Variants in OSBPL9 observed in about 807,000 individuals in gnomAD.
OSBPL9 encodes oxysterol-binding protein-related protein 9.
OSBPL9 carries 40 observed loss-of-function variants against 106.6 expected under a neutral mutation model. That is an observed-to-expected ratio of 0.38 (90% confidence interval 0.29 to 0.49). The LOEUF (loss-of-function observed/expected upper bound fraction) is 0.49, where lower values mean the gene tolerates loss of function less well. Ranked by LOEUF, OSBPL9 falls within the 20% of genes least tolerant of loss-of-function variation. The pLI, the probability that OSBPL9 is intolerant of heterozygous loss-of-function variation, is 0.97. For synonymous variants in OSBPL9, 269 were observed against 295.4 expected (o/e 0.91, Z 0.92); for missense variants, 609 against 887.2 (o/e 0.69, Z 3.98).
At chr1:51,635,639 A>T (rs1049761435) in intron 1 of OSBPL9, among the ~76,000 whole-genome samples, 4 of 152,202 alleles carry the variant, frequency 2.6e-5, no homozygotes, top group Non-Finnish European at 2.9e-5. Flanking sequence ...ATTTAACTTT[A>T]TAAGGGATGC....
At chr1:51,595,170 A>G (rs550040222) in intron 1 of OSBPL9, among the ~76,000 whole-genome samples, 1 of 152,228 alleles carries the variant, frequency 6.6e-6, no homozygotes, top group East Asian at 1.9e-4. Context: ...GCGCCGGAGG[A>G]CTGAGGAGCT....
At chr1:51,765,660 C>A (rs528384336) in intron 11 of OSBPL9, 162 bp from the exon 12 acceptor site, 2 of 539,982 alleles carry the variant, frequency 3.7e-6, no homozygotes, top group Admixed American at 7.8e-5. Context: ...TTGCCATTTT[C>A]TGTGTGGAGT....
chr1:51,691,514 C>A (rs1283742732), intron 3 of OSBPL9, among the ~76,000 whole-genome samples: 1 of 151,744 alleles, frequency 6.6e-6, no homozygotes, highest in Admixed American at 6.6e-5. Context: ...TCTCGAACGC[C>A]TGACCTTGTG....
chr1:51,771,964 A>G, intron 12 of OSBPL9, 106 bp from the exon 13 acceptor site: 2 of 733,536 alleles, frequency 2.7e-6, no homozygotes, highest in South Asian at 1.9e-5. Flanking sequence ...AGAGAATTCT[A>G]AAGCATATAT....
At chr1:51,603,806 G>A (rs1213663665) in intron 2 of OSBPL9, among the ~76,000 whole-genome samples, 1 of 152,096 alleles carries the variant, frequency 6.6e-6, no homozygotes, top group South Asian at 2.1e-4. Context: ...AATTATTTAG[G>A]ATATGATATC....
rs71063046 is a variant in OSBPL9 at position 51,597,423 on chromosome 1, A to ATG, written c.-422-665_-422-664dup. ...AATATATGTGTGTATATATATATAT[A>ATG]TGTGTGTGTGTGTGTGTGTGTGTGT... is the stretch of plus-strand genomic sequence containing the variant. On this transcript the variant is annotated intron_variant, in intron 1 of 25. Transcript: ENST00000371714. 3.2e-3 allele frequency among the ~76,000 whole-genome samples: 431 copies of ATG among 135,826 alleles called. 6 individuals carry two copies. The highest frequency in any genetic ancestry group is 9.6e-3 in the African/African-American group (328 of 34,160). 89.1% of individuals were successfully genotyped at this position (135,826 alleles called of 152,430 possible).
rs1571821945 is a variant in OSBPL9 at position 51,788,371 on chromosome 1, C to CTAT, written c.*588_*590dup. Reference sequence around the variant, plus strand: ...CAATAACTTTTATTTTGGAATTGAACTATTATTAAATTGTATCTAATCCTG... The same window carrying CTAT: ...CAATAACTTTTATTTTGGAATTGAACTATTATTATTAAATTGTATCTAATCCTG... On this transcript the variant is annotated 3_prime_UTR_variant, in exon 24 of 24. Coordinates refer to ENST00000428468, the MANE Select transcript of OSBPL9 (RefSeq NM_024586.6). 1 of 152,688 alleles carries CTAT rather than the reference C, an allele frequency of 6.5e-6. No individual in the cohort carries two copies. The highest frequency in any genetic ancestry group is 1.9e-4 in the East Asian group (1 of 5,184). 9.5% of individuals were successfully genotyped at this position (152,688 alleles called of 1,614,324 possible).
At chr1:51,687,432 C>T (rs1411829374) in intron 3 of OSBPL9, among the ~76,000 whole-genome samples, 2 of 152,152 alleles carry the variant, frequency 1.3e-5, no homozygotes, top group Non-Finnish European at 2.9e-5. Context: ...TACAGTACAA[C>T]ATAAGTGCCA....
At chr1:51,569,271 T>C in the OSBPL9 span, among the ~76,000 whole-genome samples, 2 of 152,184 alleles carry the variant, frequency 1.3e-5, no homozygotes, top group African/African-American at 4.8e-5. Flanking sequence ...GCTGATGACC[T>C]CCTTCTCCTC....
intron 2 of OSBPL9, among the ~76,000 whole-genome samples, chr1:51,668,281 T>C (rs1472338014): frequency 6.6e-6 from 1 of 152,210 alleles, no homozygotes; most frequent in Admixed American, 6.5e-5. Context: ...GTTTCCTGTC[T>C]CTTATCTTAA....
chr1:51,748,689 TA>T (rs933859199), intron 7 of OSBPL9, among the ~76,000 whole-genome samples: 3 of 152,046 alleles, frequency 2.0e-5, no homozygotes, highest in South Asian at 2.1e-4. Context: ...TTTCATATTT[TA>T]AAAAAAATAA....
chr1:51,744,796 A>C (rs921143123), intron 4 of OSBPL9, among the ~76,000 whole-genome samples: 5 of 152,380 alleles, frequency 3.3e-5, no homozygotes, highest in South Asian at 4.1e-4. Context: ...AAGTTAAAAC[A>C]TAAGAATCCC....
At chr1:51,558,730 T>G in the OSBPL9 span, among the ~76,000 whole-genome samples, 179 of 152,326 alleles carry the variant, frequency 1.2e-3, no homozygotes, top group African/African-American at 3.9e-3. Context: ...ATTCCTATCC[T>G]TCCGCTTAGT....
At chr1:51,605,178 C>T (rs573712194) in intron 2 of OSBPL9, among the ~76,000 whole-genome samples, 4 of 152,230 alleles carry the variant, frequency 2.6e-5, no homozygotes, top group South Asian at 4.1e-4. Flanking sequence ...GTCCTTAAAG[C>T]GTTTACAATC....
At chr1:51,606,616 C>T (rs1643949734) in intron 2 of OSBPL9, among the ~76,000 whole-genome samples, 1 of 152,196 alleles carries the variant, frequency 6.6e-6, no homozygotes, top group Non-Finnish European at 1.5e-5. Flanking sequence ...GAGGCAGGCA[C>T]ATGATTATAA....
At chr1:51,558,256 G>GAT in the OSBPL9 span, among the ~76,000 whole-genome samples, 1 of 151,818 alleles carries the variant, frequency 6.6e-6, no homozygotes. Context: ...CTCCAGCCTG[G>GAT]GTGACAGAGC....
intron 4 of OSBPL9, among the ~76,000 whole-genome samples, chr1:51,723,978 G>A (rs970300862): frequency 4.0e-5 from 6 of 151,878 alleles, no homozygotes; most frequent in East Asian, 1.9e-4. Context: ...AGACAGTCTC[G>A]CTATGTCGCC....
chr1:51,752,325 C>G (rs2149031635), intron 8 of OSBPL9, among the ~76,000 whole-genome samples: 1 of 151,716 alleles, frequency 6.6e-6, no homozygotes, highest in Middle Eastern at 3.4e-3. Flanking sequence ...TAGGCTCACT[C>G]TCTCACTTTA....
At chr1:51,544,359 A>AT in the OSBPL9 span, among the ~76,000 whole-genome samples, 1 of 152,192 alleles carries the variant, frequency 6.6e-6, no homozygotes, top group Non-Finnish European at 1.5e-5. Context: ...GGAAAAAAAA[A>AT]GAAAGATGTG....
Sources: gnomAD v4.1 joint callset for allele counts (sites outside exome capture counted in the v4.1 genomes callset) on GRCh38, gnomAD v4.1.1 for gene constraint, MANE v1.5 for transcripts, NCBI Gene and HGNC (gene_info 2026-07-23, HGNC 2026-07-21) for gene names.